LRRN2: variants seen among roughly 807,000 people sequenced by gnomAD.
LRRN2 encodes leucine rich repeat neuronal 2, also known as leucine-rich repeat neuronal protein 2.
Under a neutral mutation model 35.7 loss-of-function variants are expected in LRRN2, and 10 were observed. The ratio of observed to expected loss-of-function variants is 0.28; its 90% CI spans 0.17 to 0.47. LRRN2 has a LOEUF of 0.47. Among genes scored for constraint, LRRN2 ranks in the 20% least tolerant of loss-of-function variants. The pLI is 0.99. For synonymous variants in LRRN2, 391 were observed against 409.6 expected (o/e 0.95, Z 0.55); for missense variants, 731 against 940.3 (o/e 0.78, Z 2.91).
intron 1 of LRRN2, among the ~76,000 whole-genome samples, chr1:204,680,366 T>C (rs1193149038): frequency 6.6e-6 from 1 of 152,198 alleles, no homozygotes; most frequent in Non-Finnish European, 1.5e-5. Flanking sequence ...GTCTGCACTT[T>C]ATCTTGGAAC....
At chr1:204,651,575 C>T (rs1295460379) in intron 1 of LRRN2, among the ~76,000 whole-genome samples, 1 of 152,104 alleles carries the variant, frequency 6.6e-6, no homozygotes, top group Admixed American at 6.5e-5. Context: ...CCCCATTTCC[C>T]AGTTTCAGCA....
chr1:204,625,789 T>C (rs1667302345), intron 1 of LRRN2, among the ~76,000 whole-genome samples: 1 of 152,248 alleles, frequency 6.6e-6, no homozygotes, highest in South Asian at 2.1e-4. Context: ...CTCCCCCTAC[T>C]TCAAAGTGGG....
chr1:204,643,176 G>T (rs1346578306), intron 1 of LRRN2, among the ~76,000 whole-genome samples: 2 of 152,142 alleles, frequency 1.3e-5, no homozygotes, highest in Non-Finnish European at 2.9e-5. Context: ...AGGAGCTTAC[G>T]AACAGAGAAG....
At chr1:204,654,710 G>A (rs1006964822) in intron 1 of LRRN2, among the ~76,000 whole-genome samples, 6 of 152,158 alleles carry the variant, frequency 3.9e-5, no homozygotes, top group African/African-American at 1.2e-4. Flanking sequence ...GTGGCACTTG[G>A]TAGTTACATC....
At chr1:204,661,863 G>A (rs1668479914) in intron 1 of LRRN2, among the ~76,000 whole-genome samples, 1 of 152,186 alleles carries the variant, frequency 6.6e-6, no homozygotes, top group South Asian at 2.1e-4. Flanking sequence ...CTTCTCCTCA[G>A]GGATGAGAAT....
intron 1 of LRRN2, among the ~76,000 whole-genome samples, chr1:204,671,820 G>A (rs988404951): frequency 2.6e-5 from 4 of 152,236 alleles, no homozygotes; most frequent in Admixed American, 2.6e-4. Flanking sequence ...AGGTGTAGAA[G>A]GTGATGACCA....
At chr1:204,631,254 T>TTTTATATATA (rs1558407588) in intron 1 of LRRN2, among the ~76,000 whole-genome samples, 1 of 9,910 alleles carries the variant, frequency 1.0e-4, no homozygotes, top group Non-Finnish European at 2.4e-4. Flanking sequence ...ACCTAGAGTG[T>TTTTATATATA]TCTATATATA....
intron 1 of LRRN2, among the ~76,000 whole-genome samples, chr1:204,631,266 A>ATATATATATATATATATATATG (rs1667692455): frequency 2.2e-5 from 1 of 45,026 alleles, no homozygotes; most frequent in Non-Finnish European, 4.4e-5. Context: ...CTATATATAT[A>ATATATATATATATATATATATG]TATATATATA....
chr1:204,638,029 T>C lies in LRRN2; in HGVS notation c.-226-17811A>G, dbSNP rs150783606. On this transcript the variant is annotated intron_variant, in intron 1 of 1. Transcript: ENST00000367177. Reference sequence around the variant, plus strand: ...TCTTTTCCTTTCCTTGCTTTTCTTCTGGTCTCCCTCCCGCCTCGTGAAAGC... The same window carrying C: ...TCTTTTCCTTTCCTTGCTTTTCTTCCGGTCTCCCTCCCGCCTCGTGAAAGC... Among the ~76,000 whole-genome samples, 108 of 152,326 alleles carry C rather than the reference T, an allele frequency of 7.1e-4. 1 individual carries two copies. Among genetic ancestry groups the C allele is most frequent in the African/African-American group, 2.4e-3 (100 of 41,570 alleles).
chr1:204,638,318 T>C (rs557084389), intron 1 of LRRN2, among the ~76,000 whole-genome samples: 20 of 151,874 alleles, frequency 1.3e-4, no homozygotes, highest in East Asian at 5.8e-4. Flanking sequence ...CCCCGCACCG[T>C]TGGAGTCAGA....
intron 1 of LRRN2, among the ~76,000 whole-genome samples, chr1:204,637,167 G>A (rs1667855665): frequency 6.6e-6 from 1 of 152,088 alleles, no homozygotes; most frequent in Non-Finnish European, 1.5e-5. Flanking sequence ...AGTATTGGGG[G>A]GAAAATCCCC....
At chr1:204,680,698 A>C (rs1268190960) in intron 1 of LRRN2, among the ~76,000 whole-genome samples, 1 of 152,208 alleles carries the variant, frequency 6.6e-6, no homozygotes, top group Non-Finnish European at 1.5e-5. Context: ...AGCCAGCCCC[A>C]CTGGAAGCCC....
intron 1 of LRRN2, among the ~76,000 whole-genome samples, chr1:204,645,253 G>A (rs1668078908): frequency 6.6e-6 from 1 of 152,268 alleles, no homozygotes; most frequent in Admixed American, 6.5e-5. Flanking sequence ...TTGGAGCCAG[G>A]TTGGTCTGGC....
intron 1 of LRRN2, among the ~76,000 whole-genome samples, chr1:204,642,058 A>G (rs1210921135): frequency 6.6e-6 from 1 of 152,116 alleles, no homozygotes; most frequent in Non-Finnish European, 1.5e-5. Flanking sequence ...GGACCAGGTA[A>G]AGCAGCTTGG....
At chr1:204,669,338 T>G (rs570977669) in intron 1 of LRRN2, among the ~76,000 whole-genome samples, 1 of 152,280 alleles carries the variant, frequency 6.6e-6, no homozygotes, top group African/African-American at 2.4e-5. Flanking sequence ...ATGGATCCTT[T>G]TTGTATTTAA....
intron 1 of LRRN2, among the ~76,000 whole-genome samples, chr1:204,668,830 C>T (rs189726428): frequency 6.4e-4 from 97 of 152,236 alleles, no homozygotes; most frequent in Admixed American, 2.2e-3. Flanking sequence ...AATAGTTTTT[C>T]TTCTTGTTTT....
At chr1:204,621,464 C>T (rs1051005266) in intron 1 of LRRN2, 2 of 167,240 alleles carry the variant, frequency 1.2e-5, no homozygotes, top group Non-Finnish European at 2.9e-5. Flanking sequence ...GCTTTATGCT[C>T]TTGCAGTACT....
In LRRN2 at chr1:204,645,493, G is replaced by A. The variant is rs1351543500; in HGVS notation, c.-226-25275C>T. On this transcript the variant is annotated intron_variant, in intron 1 of 1. Transcript: ENST00000367177. ...GGTAAAAGAATGATTTCACAGTAGG[G>A]TTTAGGTCGACAAGGCACTTTCTCA... is the stretch of plus-strand genomic sequence containing the variant. Among the ~76,000 whole-genome samples the A allele has an allele frequency of 2.0e-5, 3 of 152,126 alleles. No individual in the cohort carries two copies. In the East Asian group the frequency reaches 5.8e-4, roughly 29 times the overall value.
chr1:204,617,519 G>A lies in LRRN2; in HGVS notation c.*332C>T, dbSNP rs558921188. On this transcript the variant is annotated 3_prime_UTR_variant, in exon 2 of 2. Transcript: ENST00000367177. ...AAGAGAAGAGGAAGGGGTGCAGCCC[G>A]GGGACACAGGTAGGGGACAGCCAAG... 1,189 of 330,558 alleles carry A rather than the reference G, an allele frequency of 3.6e-3. 4 individuals are homozygous for A. Among genetic ancestry groups the A allele is most frequent in the Non-Finnish European group, 5.0e-3 (891 of 178,316 alleles). 20.5% of individuals were successfully genotyped at this position (330,558 alleles called of 1,614,324 possible). A position where few individuals can be genotyped will look rare whatever the true frequency, so the allele number is the denominator to read the frequency against.
Sources: allele counts gnomAD v4.1 joint callset (sites outside exome capture counted in the v4.1 genomes callset), GRCh38; gene constraint gnomAD v4.1.1; transcripts MANE v1.5; gene names NCBI Gene and HGNC (gene_info 2026-07-23, HGNC 2026-07-21).